PTPRO: variants seen among roughly 807,000 people sequenced by gnomAD.
The protein encoded by PTPRO is receptor-type tyrosine-protein phosphatase O.
Under a neutral mutation model 145.2 loss-of-function variants are expected in PTPRO, and 62 were observed. The ratio of observed to expected loss-of-function variants is 0.43; its 90% CI spans 0.35 to 0.53. The LOEUF (loss-of-function observed/expected upper bound fraction) is 0.53. Ranked by LOEUF, PTPRO falls within the 20% of genes least tolerant of loss-of-function variation. The pLI, the probability that PTPRO is intolerant of heterozygous loss-of-function variation, is 0.01. For missense variants in PTPRO, 1,345 were observed against 1,482.7 expected (o/e 0.91, Z 1.53); for synonymous variants, 565 against 514.7 (o/e 1.10, Z -1.32).
At chr12:15,368,524 A>G (rs1938431302) in intron 1 of PTPRO, among the ~76,000 whole-genome samples, 1 of 152,166 alleles carries the variant, frequency 6.6e-6, no homozygotes, top group South Asian at 2.1e-4. Flanking sequence ...TCCTGTTCCC[A>G]GAATGGCTAC....
chr12:15,361,299 C>T (rs1197560148), intron 1 of PTPRO, among the ~76,000 whole-genome samples: 1 of 151,164 alleles, frequency 6.6e-6, no homozygotes, highest in Non-Finnish European at 1.5e-5. Flanking sequence ...ATTAGCCTGG[C>T]GTAGTGGCTC....
intron 1 of PTPRO, among the ~76,000 whole-genome samples, chr12:15,415,719 T>C (rs1939953048): frequency 6.6e-6 from 1 of 151,776 alleles, no homozygotes; most frequent in African/African-American, 2.4e-5. Flanking sequence ...CTCCATTGAT[T>C]GTATAAGTAA....
At position 15,419,442 on chromosome 12, in the gene PTPRO, G is replaced by A. The variant is rs11056467; in HGVS notation, c.76-64532G>A. Among the ~76,000 whole-genome samples the A allele has an allele frequency of 0.013, 1,903 of 151,508 alleles. 137 individuals are homozygous for A. In the East Asian group the frequency reaches 0.18, roughly 15 times the overall value. ...TTCCCTTCTTTTCCAAGGTTCTTGG[G>A]AAAAAAATTTCATTACGCATAAGAA... is the stretch of plus-strand genomic sequence containing the variant. On this transcript the variant is annotated intron_variant, in intron 1 of 26. Coordinates refer to ENST00000281171, the MANE Select transcript of PTPRO (RefSeq NM_030667.3).
chr12:15,335,853 T>C (rs1390273060), intron 1 of PTPRO, among the ~76,000 whole-genome samples: 1 of 152,200 alleles, frequency 6.6e-6, no homozygotes, highest in Admixed American at 6.5e-5. Context: ...TCATTTCTAC[T>C]GCTAGATTGA....
intron 1 of PTPRO, among the ~76,000 whole-genome samples, chr12:15,409,938 C>T (rs1939751624): frequency 6.6e-6 from 1 of 152,174 alleles, no homozygotes; most frequent in Non-Finnish European, 1.5e-5. Context: ...TGGATGGGAA[C>T]ACAGATGCAA....
At chr12:15,495,825 G>T (rs373171307) in intron 2 of PTPRO, among the ~76,000 whole-genome samples, 1 of 152,248 alleles carries the variant, frequency 6.6e-6, no homozygotes, top group Non-Finnish European at 1.5e-5. Flanking sequence ...TTTTGGGGAA[G>T]GGTACATTTA....
intron 1 of PTPRO, among the ~76,000 whole-genome samples, chr12:15,383,407 T>C (rs903518434): frequency 6.6e-6 from 1 of 152,220 alleles, no homozygotes; most frequent in African/African-American, 2.4e-5. Context: ...TTGGCTATCA[T>C]GACTAATGCT....
chr12:15,395,526 T>C (rs1939312176), intron 1 of PTPRO, among the ~76,000 whole-genome samples: 1 of 152,016 alleles, frequency 6.6e-6, no homozygotes, highest in Non-Finnish European at 1.5e-5. Context: ...AAAAAAAAAA[T>C]CTTCCTATAG....
chr12:15,436,679 C>A, intron 1 of PTPRO, among the ~76,000 whole-genome samples: 1 of 152,188 alleles, frequency 6.6e-6, no homozygotes, highest in Non-Finnish European at 1.5e-5. Context: ...GAGTAGGATG[C>A]CATTTTAAAT....
At chr12:15,421,129 C>A (rs1365573321) in intron 1 of PTPRO, among the ~76,000 whole-genome samples, 1 of 152,192 alleles carries the variant, frequency 6.6e-6, no homozygotes, top group Non-Finnish European at 1.5e-5. Flanking sequence ...CAGACATTAT[C>A]ATCAGTTTCC....
intron 1 of PTPRO, among the ~76,000 whole-genome samples, chr12:15,431,262 G>A (rs1457538): frequency 1.3e-5 from 2 of 152,068 alleles, no homozygotes; most frequent in African/African-American, 4.8e-5. Flanking sequence ...AAGAATGGAC[G>A]TAGGTTTGAG....
chr12:15,494,804 C>G (rs1942068411), intron 2 of PTPRO, among the ~76,000 whole-genome samples: 1 of 152,182 alleles, frequency 6.6e-6, no homozygotes, highest in South Asian at 2.1e-4. Flanking sequence ...AGATTGAGTG[C>G]CCTTCTAACT....
intron 1 of PTPRO, among the ~76,000 whole-genome samples, chr12:15,462,001 A>G (rs1941314896): frequency 6.6e-6 from 1 of 152,110 alleles, no homozygotes; most frequent in Admixed American, 6.5e-5. Flanking sequence ...TAACAGCCCC[A>G]AGGCTGTTTC....
chr12:15,387,178 A>T (rs1409308916), intron 1 of PTPRO, among the ~76,000 whole-genome samples: 1 of 152,152 alleles, frequency 6.6e-6, no homozygotes, highest in Non-Finnish European at 1.5e-5. Context: ...ACCCCACTTC[A>T]TTGCTTGCAG....
chr12:15,446,082 A>G (rs551952713), intron 1 of PTPRO, among the ~76,000 whole-genome samples: 4 of 152,248 alleles, frequency 2.6e-5, no homozygotes, highest in South Asian at 4.1e-4. Context: ...TATGGTGTCA[A>G]TCTATTCAGA....
intron 19 of PTPRO, among the ~76,000 whole-genome samples, chr12:15,572,268 A>G (rs572622443): frequency 6.6e-6 from 1 of 152,352 alleles, no homozygotes; most frequent in East Asian, 1.9e-4. Context: ...GAAACTGCCC[A>G]GGCAAAGTAT....
rs1284757378 is a variant in PTPRO, at chr12:15,546,573, A to G, written c.2169A>G (p.Pro723=). The G allele has an allele frequency of 3.7e-6, 6 of 1,604,768 alleles. No individual in the cohort carries two copies. The South Asian group carries it at 6.7e-5, about 18-fold the overall frequency. ...TAAAACTTTGTCTTTGCTCAGAACC[A>G]GCTCCACCCAAATCACTCTTCGCAG... The part of the protein sequence containing the change: ...TSMLRLVKLE[P]APPKSLFAVN... Residue 723 remains proline (P), a synonymous_variant, in exon 13 of 27, where the codon CCA becomes CCG. Transcript: ENST00000281171.
chr12:15,515,362 G>A, intron 7 of PTPRO, 136 bp from the exon 8 acceptor site: 1 of 1,158,548 alleles, frequency 8.6e-7, no homozygotes, highest in South Asian at 1.4e-5. Flanking sequence ...TTTGGAATCT[G>A]ACAGCTTCAG....
intron 1 of PTPRO, among the ~76,000 whole-genome samples, chr12:15,477,231 C>T (rs1455447550): frequency 1.8e-5 from 2 of 112,702 alleles, no homozygotes; most frequent in Non-Finnish European, 3.6e-5. Context: ...AACCATCATT[C>T]TCAGTAAACT....
Sources: gnomAD v4.1 joint callset for allele counts (sites outside exome capture counted in the v4.1 genomes callset) on GRCh38, gnomAD v4.1.1 for gene constraint, MANE v1.5 for transcripts, NCBI Gene and HGNC (gene_info 2026-07-23, HGNC 2026-07-21) for gene names.